USP53: variants seen among roughly 807,000 people sequenced by gnomAD.
USP53 encodes ubiquitin specific peptidase 53, also known as ubiquitin carboxyl-terminal hydrolase 53.
Under a neutral mutation model 94.9 loss-of-function variants are expected in USP53, and 71 were observed. That is an observed-to-expected ratio of 0.75 (90% CI 0.62 to 0.91). The LOEUF (loss-of-function observed/expected upper bound fraction) is 0.91. USP53 is among the 40% of genes least tolerant of loss of function. The probability of loss-of-function intolerance (pLI) is 0.00; values close to 1 mark genes in which losing one functional copy is unlikely to be tolerated. For synonymous variants in USP53, 375 were observed against 422.7 expected, an observed-to-expected ratio of 0.89 and a Z score of 1.39; for missense variants, 1,173 against 1,281.0, an observed-to-expected ratio of 0.92 and a Z score of 1.29.
chr4:119,243,839 A>C (rs1176577945), intron 5 of USP53, among the ~76,000 whole-genome samples: 1 of 147,456 alleles, frequency 6.8e-6, no homozygotes, highest in East Asian at 2.0e-4. Flanking sequence ...TTAATGTCTG[A>C]GAAGGAAAGT....
intron 5 of USP53, 90 bp from the exon 6 acceptor site, chr4:119,245,247 T>C: frequency 1.6e-6 from 2 of 1,221,732 alleles, no homozygotes; most frequent in South Asian, 2.6e-5. Context: ...TGTTCGCCTT[T>C]TGCAATTTGT....
intron 17 of USP53, among the ~76,000 whole-genome samples, chr4:119,275,455 A>G (rs1244403426): frequency 7.3e-6 from 1 of 137,038 alleles, no homozygotes; most frequent in Non-Finnish European, 1.6e-5. Context: ...CCATTGATCT[A>G]TATCTCTGTT....
rs1233491068 is a variant in USP53 at position 119,271,701 on chromosome 4, G to C, written c.1841G>C (p.Ser614Thr). The change falls in exon 16 of 19, where the codon AGT (serine) becomes ACT (threonine). Residue 614 changes from serine (S) to threonine (T), a missense_variant. Ser to Thr is a moderately conservative substitution (Grantham distance 58, BLOSUM62 1). Coordinates refer to ENST00000692078, the MANE Select transcript of USP53 (RefSeq NM_001371395.1). ...QHSPRHKPNI[S>T]NKPKSSKDPS... ...AGTCCAAGACATAAACCAAATATCA[G>C]TAATAAGCCTAAATCTAGCAAGGAT... 6 of 1,613,998 alleles carry C rather than the reference G, an allele frequency of 3.7e-6. No individual in the cohort carries two copies. The highest frequency in any genetic ancestry group is 1.1e-5 in the South Asian group (1 of 91,014).
chr4:119,267,918 A>G (rs1371739684), intron 13 of USP53, among the ~76,000 whole-genome samples: 1 of 152,160 alleles, frequency 6.6e-6, no homozygotes, highest in African/African-American at 2.4e-5. Flanking sequence ...CTGTAATCCC[A>G]ATGCTTTGGG....
chr4:119,229,529 A>G (rs1745771904), intron 3 of USP53, among the ~76,000 whole-genome samples: 1 of 152,188 alleles, frequency 6.6e-6, no homozygotes, highest in South Asian at 2.1e-4. Context: ...TTTCCTATAA[A>G]TACTATTTGA....
intron 14 of USP53, 26 bp downstream of exon 14, chr4:119,268,446 C>G (rs372590667): frequency 2.5e-5 from 39 of 1,585,312 alleles, no homozygotes; most frequent in Non-Finnish European, 3.2e-5. Context: ...GTCATTTTTA[C>G]ATAGTTCCAA....
At position 119,279,961 on chromosome 4, in the gene USP53, G is replaced by A. The variant is rs868194960; in HGVS notation, c.2251+6253G>A. ...GCAATGCCTCGCCCTGCTTTGGCTC[G>A]CACACGGTGCGCACACCCACTGGCC... On this transcript the variant is annotated intron_variant, in intron 17 of 18. Transcript: ENST00000692078. Among the ~76,000 whole-genome samples, 30 of 152,276 alleles carry A rather than the reference G, an allele frequency of 2.0e-4. No homozygotes were observed. The South Asian group carries it at 5.8e-3, about 29-fold the overall frequency.
chr4:119,257,591 T>A (rs139979045), intron 9 of USP53, among the ~76,000 whole-genome samples: 2 of 152,344 alleles, frequency 1.3e-5, no homozygotes, highest in African/African-American at 4.8e-5. Context: ...CTGCCAATAT[T>A]TGTGTCAGTG....
intron 12 of USP53, among the ~76,000 whole-genome samples, chr4:119,262,279 T>A (rs768806262): frequency 6.6e-6 from 1 of 152,174 alleles, no homozygotes; most frequent in Non-Finnish European, 1.5e-5. Context: ...TCAAATTTTG[T>A]GTGTAGAATA....
Position 119,222,910 on chromosome 4 carries a change from T to C in USP53, c.-665+5237T>C, listed in dbSNP as rs1369982289. Among the ~76,000 whole-genome samples the C allele has an allele frequency of 2.6e-5, 4 of 152,306 alleles. No individual in the cohort carries two copies. The East Asian group carries it at 7.7e-4, about 29-fold the overall frequency. On this transcript the variant is annotated intron_variant, in intron 3 of 18. Transcript: ENST00000692078. ...TTCCCACTATTTTTATAATTATTTT[T>C]ATGATTTAAATCATTTCAATCACTT...
intron 12 of USP53, chr4:119,266,481 G>T: frequency 7.9e-6 from 3 of 380,256 alleles, no homozygotes; most frequent in South Asian, 6.0e-5. Flanking sequence ...TTTAATGTTA[G>T]CCCTTCTCGT....
At chr4:119,284,915 G>T (rs1301892019) in intron 17 of USP53, among the ~76,000 whole-genome samples, 2 of 151,874 alleles carry the variant, frequency 1.3e-5, no homozygotes, top group East Asian at 3.9e-4. Flanking sequence ...AGCAAGAGAA[G>T]TAAAGAAATG....
chr4:119,259,295 A>G (rs6845327), intron 9 of USP53, among the ~76,000 whole-genome samples: 50,606 of 133,226 alleles, frequency 0.38, 8,991 homozygotes, highest in South Asian at 0.46. Context: ...AAAAAAAAAA[A>G]GGGGGGGGAG....
chr4:119,233,291 T>C (rs1746308512), intron 3 of USP53, among the ~76,000 whole-genome samples: 1 of 151,982 alleles, frequency 6.6e-6, no homozygotes, highest in Admixed American at 6.5e-5. Context: ...GGAAATCTCC[T>C]TTCTTCTTTT....
intron 3 of USP53, among the ~76,000 whole-genome samples, chr4:119,225,298 T>A (rs761639179): frequency 3.9e-4 from 59 of 152,324 alleles, no homozygotes; most frequent in Non-Finnish European, 5.9e-4. Context: ...AATTTGTGAT[T>A]TAAAATATTC....
At chr4:119,291,397 C>A in intron 18 of USP53, 136 bp downstream of exon 18, 1 of 499,854 alleles carries the variant, frequency 2.0e-6, no homozygotes, top group East Asian at 3.5e-5. Context: ...ATCATTAATA[C>A]AATGTGGATC....
chr4:119,248,721 C>G (rs775944159), intron 6 of USP53, 27 bp from the exon 7 acceptor site: 4 of 1,602,540 alleles, frequency 2.5e-6, no homozygotes, highest in Non-Finnish European at 3.4e-6. Flanking sequence ...TGGCATTAAA[C>G]TTACTGATTT....
chr4:119,265,713 C>G (rs1332251272), intron 12 of USP53, among the ~76,000 whole-genome samples: 1 of 146,512 alleles, frequency 6.8e-6, no homozygotes, highest in East Asian at 2.0e-4. Context: ...AAATGGACTC[C>G]TCAAGTCTCT....
chr4:119,223,819 C>T (rs1176020931), intron 3 of USP53, among the ~76,000 whole-genome samples: 1 of 152,168 alleles, frequency 6.6e-6, no homozygotes, highest in Non-Finnish European at 1.5e-5. Context: ...TACTAAACTT[C>T]TCCTGACCTG....
Sources: gnomAD v4.1 joint callset for allele counts (sites outside exome capture counted in the v4.1 genomes callset) on GRCh38, gnomAD v4.1.1 for gene constraint, MANE v1.5 for transcripts, NCBI Gene and HGNC (gene_info 2026-07-23, HGNC 2026-07-21) for gene names.